SORCS3: variants seen among roughly 807,000 people sequenced by gnomAD.
The protein encoded by SORCS3 is VPS10 domain-containing receptor SorCS3.
Under a neutral mutation model 146.3 loss-of-function variants are expected in SORCS3, and 57 were observed. That is an observed-to-expected ratio of 0.39 (90% CI 0.31 to 0.49). The LOEUF is 0.49. Among genes scored for constraint, SORCS3 ranks in the 20% least tolerant of loss-of-function variants. SORCS3 has a pLI of 0.92. For missense variants in SORCS3, 1,341 were observed against 1,575.5 expected (o/e 0.85, Z 2.52); for synonymous variants, 653 against 618.5 (o/e 1.06, Z -0.83).
At chr10:105,030,464 C>T (rs1308442885) in intron 4 of SORCS3, among the ~76,000 whole-genome samples, 1 of 152,086 alleles carries the variant, frequency 6.6e-6, no homozygotes, top group East Asian at 1.9e-4. Context: ...TGGAAGTGTC[C>T]AAGGCTCCTG....
chr10:104,768,549 A>G (rs1445020804), intron 1 of SORCS3, among the ~76,000 whole-genome samples: 2 of 152,170 alleles, frequency 1.3e-5, no homozygotes, highest in East Asian at 1.9e-4. Flanking sequence ...TTTTCTGTCT[A>G]TTGTTTTCTT....
At chr10:104,846,311 CT>C (rs2018203603) in intron 2 of SORCS3, among the ~76,000 whole-genome samples, 1 of 152,146 alleles carries the variant, frequency 6.6e-6, no homozygotes, top group Admixed American at 6.5e-5. Context: ...TTTTCCTGTA[CT>C]GATAATGATG....
chr10:104,688,198 C>A (rs936441392), intron 1 of SORCS3, among the ~76,000 whole-genome samples: 1 of 152,232 alleles, frequency 6.6e-6, no homozygotes, highest in African/African-American at 2.4e-5. Flanking sequence ...CAAACTAGAA[C>A]AGTTGCAGGG....
intron 3 of SORCS3, among the ~76,000 whole-genome samples, chr10:104,970,548 C>T (rs1305706757): frequency 6.6e-6 from 1 of 152,114 alleles, no homozygotes; most frequent in Non-Finnish European, 1.5e-5. Flanking sequence ...TTCCCCTACC[C>T]CTACCCCTTC....
At chr10:105,220,165 T>G (rs1374346851) in intron 19 of SORCS3, among the ~76,000 whole-genome samples, 1 of 152,178 alleles carries the variant, frequency 6.6e-6, no homozygotes, top group African/African-American at 2.4e-5. Flanking sequence ...CTCTCATCTC[T>G]TCTCATTGAT....
intron 1 of SORCS3, among the ~76,000 whole-genome samples, chr10:104,648,884 C>T (rs1038843242): frequency 2.0e-5 from 3 of 152,232 alleles, no homozygotes; most frequent in South Asian, 4.2e-4. Flanking sequence ...CAGAGGAAGC[C>T]ATCCCTGCTT....
At position 105,044,442 on chromosome 10, in the gene SORCS3, C is replaced by A. The variant is rs577085091; in HGVS notation, c.1028+1314C>A. ...TTTTTGTTAGAAGTTGTACTCATTC[C>A]GTATCTCTTATAAATATCTTATGAA... On this transcript the variant is annotated intron_variant, in intron 5 of 26. Coordinates refer to ENST00000369701, the MANE Select transcript of SORCS3 (RefSeq NM_014978.3). 7.0e-4 allele frequency among the ~76,000 whole-genome samples: 107 copies of A among 152,184 alleles called. 2 individuals carry two copies. Among genetic ancestry groups the A allele is most frequent in the African/African-American group, 2.6e-3 (106 of 41,522 alleles).
At chr10:105,256,763 T>A in intron 24 of SORCS3, 56 bp from the exon 25 acceptor site, 1 of 1,366,812 alleles carries the variant, frequency 7.3e-7, no homozygotes, top group South Asian at 1.2e-5. Flanking sequence ...TCCCTCCAGC[T>A]AACAGCTTCC....
chr10:104,683,254 A>C (rs2016001455), intron 1 of SORCS3, among the ~76,000 whole-genome samples: 3 of 152,206 alleles, frequency 2.0e-5, no homozygotes, highest in African/African-American at 7.2e-5. Flanking sequence ...ACAGTACTCA[A>C]ATAGGAAGTT....
At chr10:105,057,245 C>T (rs1440115381) in intron 5 of SORCS3, among the ~76,000 whole-genome samples, 1 of 151,980 alleles carries the variant, frequency 6.6e-6, no homozygotes, top group East Asian at 1.9e-4. Flanking sequence ...GCCAGAAGTA[C>T]TCAGATTCTT....
At chr10:105,025,994 A>G (rs958934361) in intron 4 of SORCS3, among the ~76,000 whole-genome samples, 3 of 152,062 alleles carry the variant, frequency 2.0e-5, no homozygotes, top group Non-Finnish European at 4.4e-5. Context: ...TCAGGAAGTC[A>G]TCTTTGACTC....
At chr10:105,180,131 T>C (rs2119565702) in intron 14 of SORCS3, among the ~76,000 whole-genome samples, 1 of 152,336 alleles carries the variant, frequency 6.6e-6, no homozygotes, top group Non-Finnish European at 1.5e-5. Context: ...AAATTATTTG[T>C]CTGCAAGGAG....
intron 3 of SORCS3, among the ~76,000 whole-genome samples, chr10:104,972,330 C>T (rs1448379696): frequency 6.6e-6 from 1 of 152,176 alleles, no homozygotes; most frequent in Non-Finnish European, 1.5e-5. Context: ...TGAACCTGGT[C>T]TCTCTGATGC....
chr10:104,705,780 A>G (rs554864068), intron 1 of SORCS3, among the ~76,000 whole-genome samples: 5 of 152,324 alleles, frequency 3.3e-5, no homozygotes, highest in African/African-American at 9.6e-5. Flanking sequence ...AGGGAGCAAC[A>G]TAGATTGAGC....
chr10:104,933,890 G>A lies in SORCS3; in HGVS notation c.795+17958G>A, dbSNP rs1211772123. 1.3e-5 allele frequency among the ~76,000 whole-genome samples: 2 copies of A among 152,116 alleles called. 1 individual carries two copies. The highest frequency in any genetic ancestry group is 4.1e-4 in the South Asian group (2 of 4,830). ...GCTCACTGCAACCTCCACAACCCGGGTTCAAGAGATTCTCTTGCCTCATCC... is the reference window on the plus strand; with the variant it reads ...GCTCACTGCAACCTCCACAACCCGGATTCAAGAGATTCTCTTGCCTCATCC... On this transcript the variant is annotated intron_variant, in intron 3 of 26. Coordinates refer to ENST00000369701, the MANE Select transcript of SORCS3 (RefSeq NM_014978.3).
chr10:105,209,825 C>G (rs1484056591), intron 16 of SORCS3, among the ~76,000 whole-genome samples: 2 of 152,046 alleles, frequency 1.3e-5, no homozygotes, highest in African/African-American at 4.8e-5. Context: ...GGGGTGGGGT[C>G]AGACTCGGAA....
intron 1 of SORCS3, among the ~76,000 whole-genome samples, chr10:104,650,787 G>C (rs1040548282): frequency 6.6e-6 from 1 of 152,198 alleles, no homozygotes; most frequent in African/African-American, 2.4e-5. Context: ...CCTGGGATCT[G>C]CACTCTGGGA....
chr10:105,043,659 C>A (rs2055351862), intron 5 of SORCS3, among the ~76,000 whole-genome samples: 1 of 152,086 alleles, frequency 6.6e-6, no homozygotes, highest in Non-Finnish European at 1.5e-5. Flanking sequence ...ATTAAAGACT[C>A]TGGAGAAGTG....
At chr10:104,945,718 G>A (rs986359235) in intron 3 of SORCS3, among the ~76,000 whole-genome samples, 4 of 151,968 alleles carry the variant, frequency 2.6e-5, no homozygotes. Context: ...ATGTTAAGGA[G>A]GAGGCACCTC....
Sources: gnomAD v4.1 joint callset for allele counts (sites outside exome capture counted in the v4.1 genomes callset) on GRCh38, gnomAD v4.1.1 for gene constraint, MANE v1.5 for transcripts, NCBI Gene and HGNC (gene_info 2026-07-23, HGNC 2026-07-21) for gene names.